Variants in TANC2 observed in about 807,000 individuals in gnomAD.
TANC2 encodes the protein protein TANC2.
A neutral mutation model predicts 210.5 loss-of-function variants in TANC2; 26 were observed. The ratio of observed to expected loss-of-function variants is 0.12; its 90% CI spans 0.09 to 0.17. TANC2 has a LOEUF of 0.17. TANC2 is among the 10% of genes least tolerant of loss of function. TANC2 has a pLI of 1.00. For missense variants in TANC2, 2,129 were observed against 2,608.9 expected, an observed-to-expected ratio of 0.82 and a Z score of 4.01; for synonymous variants, 931 against 967.1, an observed-to-expected ratio of 0.96 and a Z score of 0.69.
chr17:63,280,002 A>G lies in TANC2; in HGVS notation c.1159+12129A>G, dbSNP rs78048913. ...TCTGTGAAGGAACAAGGGAAATAAC[A>G]TTTGAGTCATGGTTAGTTCATAGTC... On this transcript the variant is annotated intron_variant, in intron 9 of 27. Transcript: ENST00000689528. Among the ~76,000 whole-genome samples the G allele has an allele frequency of 3.7e-3, 557 of 152,178 alleles. 4 individuals are homozygous for G. The highest frequency in any genetic ancestry group is 0.013 in the African/African-American group (534 of 41,540).
At chr17:63,295,450 G>C (rs17797070) in intron 9 of TANC2, among the ~76,000 whole-genome samples, 23,180 of 152,186 alleles carry the variant, frequency 0.15, 2,100 homozygotes, top group Middle Eastern at 0.21. Context: ...ATTAGCATTA[G>C]TCATATTCAT....
chr17:63,200,813 A>T (rs2041507433), exon 7 of TANC2: 1 of 1,613,806 alleles, frequency 6.2e-7, no homozygotes. Flanking sequence ...TTCCACTCTG[A>T]CTAGCAGCAC....
At chr17:63,386,906 G>A (rs1393357383) in intron 15 of TANC2, among the ~76,000 whole-genome samples, 6 of 152,010 alleles carry the variant, frequency 3.9e-5, no homozygotes, top group Non-Finnish European at 8.8e-5. Context: ...AGGCTGGAGT[G>A]CAGTAGCACG....
At chr17:63,302,809 G>A (rs2044765497) in intron 9 of TANC2, among the ~76,000 whole-genome samples, 2 of 151,558 alleles carry the variant, frequency 1.3e-5, no homozygotes, top group African/African-American at 4.8e-5. Context: ...TGTTGCCCAG[G>A]GTGGAGTGCA....
At chr17:63,332,346 G>A in intron 11 of TANC2, 1 of 305,152 alleles carries the variant, frequency 3.3e-6, no homozygotes. Context: ...TTCTTGATTG[G>A]GTGAATTTTC....
chr17:63,345,619 C>CAAAAAAAAAAAAAAAAAAAAAA (rs752643075), intron 12 of TANC2, among the ~76,000 whole-genome samples: 1 of 86,634 alleles, frequency 1.2e-5, no homozygotes, highest in Non-Finnish European at 2.4e-5. Context: ...AATTCTGTCT[C>CAAAAAAAAAAAAAAAAAAAAAA]AAAAAAAAAA....
At chr17:62,975,245 T>C (rs1369389200) in intron 1 of TANC2, among the ~76,000 whole-genome samples, 5 of 152,300 alleles carry the variant, frequency 3.3e-5, no homozygotes, top group South Asian at 4.1e-4. Context: ...TAATCTTTCA[T>C]TGGGTGGAGG....
intron 2 of TANC2, among the ~76,000 whole-genome samples, chr17:63,055,987 AAAAATATATATATATATATAT>A (rs1368515724): frequency 1.4e-4 from 2 of 14,528 alleles, no homozygotes; most frequent in Non-Finnish European, 3.1e-4. Context: ...AAAAAAAAAA[AAAAATATATATATATATATAT>A]ATATATATAT....
At chr17:62,982,068 A>T (rs182695210) in intron 1 of TANC2, among the ~76,000 whole-genome samples, 1 of 145,076 alleles carries the variant, frequency 6.9e-6, no homozygotes, top group East Asian at 2.0e-4. Flanking sequence ...GATGGAAGTA[A>T]GTCTTCATCT....
intron 7 of TANC2, among the ~76,000 whole-genome samples, chr17:63,227,516 AG>A (rs1442922625): frequency 2.6e-5 from 4 of 152,090 alleles, no homozygotes; most frequent in Non-Finnish European, 5.9e-5. Context: ...ATCTTTTTTC[AG>A]ATGGATAGAT....
At chr17:63,147,014 A>C (rs1348637193) in intron 4 of TANC2, among the ~76,000 whole-genome samples, 1 of 152,164 alleles carries the variant, frequency 6.6e-6, no homozygotes, top group Non-Finnish European at 1.5e-5. Context: ...ACAAGAGTTA[A>C]ATCGGTAAAA....
At chr17:63,320,727 A>G (rs2045469073) in intron 11 of TANC2, among the ~76,000 whole-genome samples, 1 of 151,944 alleles carries the variant, frequency 6.6e-6, no homozygotes, top group Non-Finnish European at 1.5e-5. Flanking sequence ...TTTCTCTCCA[A>G]ATGCTTTTAG....
At chr17:63,220,856 A>AT (rs2042167798) in intron 7 of TANC2, among the ~76,000 whole-genome samples, 1 of 150,330 alleles carries the variant, frequency 6.7e-6, no homozygotes, top group Non-Finnish European at 1.5e-5. Context: ...ATACGTATAT[A>AT]CGTATATATG....
At position 63,412,206 on chromosome 17, in the gene TANC2, A is replaced by G; in HGVS notation, c.3898+76A>G. 1 of 1,598,458 alleles carries G rather than the reference A, an allele frequency of 6.3e-7. No individual in the cohort carries two copies. The highest frequency in any genetic ancestry group is 8.5e-7 in the Non-Finnish European group (1 of 1,170,092). ...GTCCAGTGGTCTGGCTGCCCTGGGT[A>G]TTTGGTGTGAGTGTATATAGTTCCC... is the stretch of plus-strand genomic sequence containing the variant. On this transcript the variant is annotated intron_variant, in intron 23 of 27. Coordinates refer to ENST00000689528, the Ensembl canonical transcript of TANC2. The surrounding 1 kb of genome is among the most constrained non-coding windows in gnomAD (Gnocchi z 4.2).
At chr17:63,368,037 G>A (rs1265736705) in intron 14 of TANC2, among the ~76,000 whole-genome samples, 6 of 152,208 alleles carry the variant, frequency 3.9e-5, no homozygotes, top group Admixed American at 1.3e-4. Context: ...TCTAGGTGAG[G>A]AATGGTAAGA....
Position 63,192,130 on chromosome 17 carries a change from A to G in TANC2, c.434-1861A>G, listed in dbSNP as rs185807423. On this transcript the variant is annotated intron_variant, in intron 5 of 27. Coordinates refer to ENST00000689528, the Ensembl canonical transcript of TANC2. ...TTGCCAAAGATAGTTTTTTCGTATC[A>G]TAACCTGGTATCGGATTTCTTTCGT... Among the ~76,000 whole-genome samples, 9 of 152,350 alleles carry G rather than the reference A, an allele frequency of 5.9e-5. No individual in the cohort carries two copies. The South Asian group carries it at 8.3e-4, about 14-fold the overall frequency.
intron 14 of TANC2, among the ~76,000 whole-genome samples, chr17:63,377,686 C>T (rs930334170): frequency 6.6e-6 from 1 of 152,190 alleles, no homozygotes; most frequent in African/African-American, 2.4e-5. Context: ...TGCCTGTTAC[C>T]CAGTTCCAAA....
intron 7 of TANC2, among the ~76,000 whole-genome samples, chr17:63,206,240 T>C (rs1375183253): frequency 6.6e-6 from 1 of 152,220 alleles, no homozygotes; most frequent in Non-Finnish European, 1.5e-5. Flanking sequence ...GGAACTCTCA[T>C]ACATTGCTGC....
At chr17:63,315,074 C>A (rs555150717) in intron 10 of TANC2, among the ~76,000 whole-genome samples, 2 of 152,088 alleles carry the variant, frequency 1.3e-5, no homozygotes, top group Admixed American at 6.6e-5. Flanking sequence ...TTGCTGTTGG[C>A]GTCAGTGTTG....
Sources: gnomAD v4.1 joint callset for allele counts (sites outside exome capture counted in the v4.1 genomes callset) on GRCh38, gnomAD v4.1.1 for gene constraint, Gnocchi (gnomAD v3.1) non-coding constraint, MANE v1.5 for transcripts, NCBI Gene and HGNC (gene_info 2026-07-23, HGNC 2026-07-21) for gene names.